Variants in FAT3 observed in about 807,000 individuals in gnomAD.
FAT3 encodes FAT atypical cadherin 3.
Under a neutral mutation model 310.2 loss-of-function variants are expected in FAT3, and 95 were observed. That is an observed-to-expected ratio of 0.31 (90% CI 0.26 to 0.36). The LOEUF (loss-of-function observed/expected upper bound fraction) is 0.36, where lower values mean the gene tolerates loss of function less well. Ranked by LOEUF, FAT3 falls within the 10% of genes least tolerant of loss-of-function variation. FAT3 has a pLI of 1.00. For synonymous variants in FAT3, 2,314 were observed against 2,192.9 expected (o/e 1.06, Z -1.54); for missense variants, 5,408 against 5,715.6 (o/e 0.95, Z 1.74).
intron 3 of FAT3, among the ~76,000 whole-genome samples, chr11:92,542,792 GT>G (rs1954493148): frequency 6.6e-6 from 1 of 151,786 alleles, no homozygotes; most frequent in Non-Finnish European, 1.5e-5. Flanking sequence ...AAAAAATAAA[GT>G]TACCATATGA....
Position 92,496,952 on chromosome 11 carries a change from C to T in FAT3, c.3293-27682C>T, listed in dbSNP as rs79744552. Reference sequence around the variant, plus strand: ...TGACTCCCGTGCTATTTCCACTTTACAAGCTTCACAATGATGACTTCAACA... The same window carrying T: ...TGACTCCCGTGCTATTTCCACTTTATAAGCTTCACAATGATGACTTCAACA... On this transcript the variant is annotated intron_variant, in intron 2 of 27. Coordinates refer to ENST00000525166, the MANE Select transcript of FAT3 (RefSeq NM_001367949.2). Among the ~76,000 whole-genome samples, 741 of 152,116 alleles carry T rather than the reference C, an allele frequency of 4.9e-3. 32 individuals carry two copies. The East Asian group carries it at 0.12, about 24-fold the overall frequency.
intron 4 of FAT3, among the ~76,000 whole-genome samples, chr11:92,747,048 A>G (rs1945691784): frequency 6.6e-6 from 1 of 152,176 alleles, no homozygotes; most frequent in Non-Finnish European, 1.5e-5. Flanking sequence ...TTTGGAGGAC[A>G]GTGGCCCTCT....
chr11:92,415,639 G>A (rs186593705), intron 2 of FAT3, among the ~76,000 whole-genome samples: 2 of 152,200 alleles, frequency 1.3e-5, no homozygotes, highest in African/African-American at 4.8e-5. Flanking sequence ...GTGTTGGAAA[G>A]GACAGTAGGC....
At chr11:92,859,743 G>C (rs1044234094) in intron 21 of FAT3, among the ~76,000 whole-genome samples, 4 of 152,110 alleles carry the variant, frequency 2.6e-5, no homozygotes, top group African/African-American at 4.8e-5. Context: ...TTGGAGACAG[G>C]GGGTATAGGA....
At position 92,562,430 on chromosome 11, in the gene FAT3, T is replaced by G. The variant is rs144145524; in HGVS notation, c.3607+37482T>G. On this transcript the variant is annotated intron_variant, in intron 3 of 27. Transcript: ENST00000525166. Reference sequence around the variant, plus strand: ...TTCTCCCAGTTACTCTGATGTAAATTTCTTAACCTTGCTGAGCCTCAGTCT... The same window carrying G: ...TTCTCCCAGTTACTCTGATGTAAATGTCTTAACCTTGCTGAGCCTCAGTCT... Among the ~76,000 whole-genome samples the G allele has an allele frequency of 5.7e-3, 868 of 152,302 alleles. 6 individuals are homozygous for G. Among genetic ancestry groups the G allele is most frequent in the African/African-American group, 0.02 (821 of 41,568 alleles).
At chr11:92,582,175 C>T (rs1277561971) in intron 3 of FAT3, among the ~76,000 whole-genome samples, 2 of 151,844 alleles carry the variant, frequency 1.3e-5, no homozygotes, top group East Asian at 1.9e-4. Context: ...TCACCATCTT[C>T]GTCTTGGTGG....
At chr11:92,310,017 A>G (rs2134452521) in intron 1 of FAT3, among the ~76,000 whole-genome samples, 1 of 151,062 alleles carries the variant, frequency 6.6e-6, no homozygotes, top group African/African-American at 2.4e-5. Context: ...TTTTTTGACT[A>G]TTGGTGGAAT....
intron 2 of FAT3, among the ~76,000 whole-genome samples, chr11:92,445,962 A>C (rs536485459): frequency 6.6e-6 from 1 of 152,278 alleles, no homozygotes; most frequent in African/African-American, 2.4e-5. Flanking sequence ...GATGCTAACA[A>C]ATTATGTTCA....
At chr11:92,274,221 G>A (rs1946202336) in intron 1 of FAT3, among the ~76,000 whole-genome samples, 1 of 151,984 alleles carries the variant, frequency 6.6e-6, no homozygotes, top group South Asian at 2.1e-4. Flanking sequence ...TTTAGAACAT[G>A]ACAATAGAGA....
intron 4 of FAT3, among the ~76,000 whole-genome samples, chr11:92,702,775 G>T (rs982527485): frequency 2.0e-5 from 3 of 152,142 alleles, no homozygotes; most frequent in African/African-American, 7.2e-5. Context: ...CCTCCCTTTT[G>T]ATCTTGAAAT....
At chr11:92,695,833 A>G (rs889016020) in intron 3 of FAT3, among the ~76,000 whole-genome samples, 6 of 152,164 alleles carry the variant, frequency 3.9e-5, no homozygotes, top group Non-Finnish European at 8.8e-5. Context: ...AGCACTGGTT[A>G]TATGAGGGCA....
chr11:92,842,315 C>A (rs1226541704), intron 18 of FAT3, among the ~76,000 whole-genome samples: 1 of 152,174 alleles, frequency 6.6e-6, no homozygotes, highest in Admixed American at 6.5e-5. Flanking sequence ...CTCTCCAGTC[C>A]TTCTCTGGCC....
chr11:92,798,589 C>G lies in FAT3; in HGVS notation c.5576C>G (p.Pro1859Arg), dbSNP rs768460475. ...FHVHVRDSGSPQLTAESPVEV... is the reference protein window; with the variant it reads ...FHVHVRDSGSRQLTAESPVEV... ...GTGCATGTGAGAGACAGTGGTAGCCCCCAACTGACTGCAGAGAGTCCCGTT... is the reference window on the plus strand; with the variant it reads ...GTGCATGTGAGAGACAGTGGTAGCCGCCAACTGACTGCAGAGAGTCCCGTT... The change falls in exon 10 of 28, where the codon CCC becomes CGC. Residue 1859 changes from proline (P) to arginine (R), a missense_variant. Transcript: ENST00000525166. The G allele has an allele frequency of 6.2e-7, 1 of 1,613,804 alleles. No homozygotes were observed. Among genetic ancestry groups the G allele is most frequent in the Non-Finnish European group, 8.5e-7 (1 of 1,179,844 alleles).
At chr11:92,635,268 T>A (rs1270408492) in intron 3 of FAT3, among the ~76,000 whole-genome samples, 1 of 152,138 alleles carries the variant, frequency 6.6e-6, no homozygotes, top group East Asian at 1.9e-4. Flanking sequence ...TGACCTACTC[T>A]CCTACAGAAT....
At chr11:92,512,523 A>G (rs1056761488) in intron 2 of FAT3, among the ~76,000 whole-genome samples, 13 of 147,342 alleles carry the variant, frequency 8.8e-5, no homozygotes, top group Non-Finnish European at 1.5e-4. Flanking sequence ...ATATATAAAT[A>G]TATATAAATT....
intron 4 of FAT3, among the ~76,000 whole-genome samples, chr11:92,719,788 C>T (rs2135969484): frequency 6.7e-6 from 1 of 148,318 alleles, no homozygotes; most frequent in Non-Finnish European, 1.5e-5. Context: ...TTCTGTAAAT[C>T]TCCACAAACT....
intron 13 of FAT3, among the ~76,000 whole-genome samples, chr11:92,826,752 C>T (rs1948115781): frequency 6.6e-6 from 1 of 152,210 alleles, no homozygotes; most frequent in African/African-American, 2.4e-5. Flanking sequence ...AACCAGTTTA[C>T]TGCAACTTAG....
intron 17 of FAT3, among the ~76,000 whole-genome samples, chr11:92,838,483 C>CTGAG (rs1948460270): frequency 6.6e-6 from 1 of 152,186 alleles, no homozygotes; most frequent in African/African-American, 2.4e-5. Context: ...GTGCTAGGTA[C>CTGAG]TGAGCGTCCT....
chr11:92,356,413 C>T (rs1472815010), intron 2 of FAT3, among the ~76,000 whole-genome samples: 2 of 152,186 alleles, frequency 1.3e-5, no homozygotes, highest in African/African-American at 4.8e-5. Flanking sequence ...CCTTAGTCAG[C>T]TCAAGCTGCT....
Sources: allele counts gnomAD v4.1 joint callset (sites outside exome capture counted in the v4.1 genomes callset), GRCh38; gene constraint gnomAD v4.1.1; transcripts MANE v1.5; gene names NCBI Gene and HGNC (gene_info 2026-07-23, HGNC 2026-07-21).